Variants in KCNIP4 observed in about 807,000 individuals in gnomAD.
KCNIP4 encodes potassium voltage-gated channel interacting protein 4.
In KCNIP4, 12 loss-of-function variants were observed where a neutral mutation model predicts 34.0. The observed-to-expected ratio is 0.35, with a 90% confidence interval of 0.23 to 0.57. The LOEUF (loss-of-function observed/expected upper bound fraction) is 0.57, where lower values mean the gene tolerates loss of function less well. KCNIP4 is among the 20% of genes least tolerant of loss of function. KCNIP4 has a pLI of 0.83. For synonymous variants in KCNIP4, 124 were observed against 102.2 expected (o/e 1.21, Z -1.29); for missense variants, 238 against 311.7 (o/e 0.76, Z 1.78).
rs1292348885 is a variant in KCNIP4 at position 21,337,938 on chromosome 4, A to G, written c.62-455229T>C. 2.6e-5 allele frequency among the ~76,000 whole-genome samples: 4 copies of G among 152,110 alleles called. No individual in the cohort carries two copies. The East Asian group carries it at 7.7e-4, about 29-fold the overall frequency. ...CGTGTAAGTGTCTTGTTTTTCTTATATCATAGGAAGTCAGAGGCGGGCTGC... is the reference window on the plus strand; with the variant it reads ...CGTGTAAGTGTCTTGTTTTTCTTATGTCATAGGAAGTCAGAGGCGGGCTGC... On this transcript the variant is annotated intron_variant, in intron 1 of 8. Transcript: ENST00000382152.
chr4:21,657,439 T>A (rs143258911), intron 1 of KCNIP4, among the ~76,000 whole-genome samples: 296 of 152,248 alleles, frequency 1.9e-3, no homozygotes, highest in African/African-American at 6.4e-3. Context: ...CATTTCCTCA[T>A]CTCCAATCAG....
intron 1 of KCNIP4, among the ~76,000 whole-genome samples, chr4:21,576,187 A>AT (rs1476240280): frequency 6.6e-6 from 1 of 152,142 alleles, no homozygotes; most frequent in Non-Finnish European, 1.5e-5. Flanking sequence ...AGAAGCCTAA[A>AT]TTTTTTAGTG....
chr4:20,857,834 T>C (rs1422241820), intron 2 of KCNIP4, among the ~76,000 whole-genome samples: 3 of 152,144 alleles, frequency 2.0e-5, no homozygotes, highest in African/African-American at 4.8e-5. Flanking sequence ...TCTGGTCCTA[T>C]GGTGGACTGA....
intron 1 of KCNIP4, among the ~76,000 whole-genome samples, chr4:20,931,861 C>A (rs1197945980): frequency 2.0e-5 from 3 of 151,234 alleles, no homozygotes; most frequent in African/African-American, 4.9e-5. Context: ...GTCTAATGTA[C>A]AACAGAAGAT....
chr4:21,655,114 T>G (rs1747818514), intron 1 of KCNIP4, among the ~76,000 whole-genome samples: 1 of 152,128 alleles, frequency 6.6e-6, no homozygotes, highest in Admixed American at 6.6e-5. Flanking sequence ...TAATGTACTA[T>G]TCCATCCAGA....
At chr4:21,846,350 G>A (rs1454019562) in intron 1 of KCNIP4, 1 of 152,016 alleles carries the variant, frequency 6.6e-6, no homozygotes, top group Non-Finnish European at 1.5e-5. Context: ...TATGGCAAGG[G>A]GATATACACA....
chr4:21,425,989 G>C (rs1425259971), intron 1 of KCNIP4, among the ~76,000 whole-genome samples: 1 of 152,094 alleles, frequency 6.6e-6, no homozygotes, highest in African/African-American at 2.4e-5. Context: ...GGGAGGGAGA[G>C]GTTGCAGTGA....
intron 1 of KCNIP4, among the ~76,000 whole-genome samples, chr4:21,343,757 T>C (rs547639910): frequency 1.3e-5 from 2 of 152,232 alleles, no homozygotes; most frequent in East Asian, 3.9e-4. Context: ...CCCCTGTAGA[T>C]TCCGACGCAG....
chr4:20,739,681 C>G (rs567435060), intron 5 of KCNIP4, among the ~76,000 whole-genome samples: 25 of 152,130 alleles, frequency 1.6e-4, no homozygotes, highest in Middle Eastern at 3.2e-3. Context: ...ATCAGAGAAC[C>G]TCTTCTCCAA....
At chr4:21,099,615 A>G (rs1168665141) in intron 1 of KCNIP4, among the ~76,000 whole-genome samples, 1 of 152,176 alleles carries the variant, frequency 6.6e-6, no homozygotes, top group Non-Finnish European at 1.5e-5. Flanking sequence ...ATGGAACTTA[A>G]AAAAGTTGAG....
At chr4:21,833,812 C>T (rs1723149478) in intron 1 of KCNIP4, among the ~76,000 whole-genome samples, 1 of 152,172 alleles carries the variant, frequency 6.6e-6, no homozygotes, top group African/African-American at 2.4e-5. Flanking sequence ...CTACATATGG[C>T]TAGCCAGTTT....
chr4:21,235,249 A>C (rs1195877214), intron 1 of KCNIP4, among the ~76,000 whole-genome samples: 1 of 152,150 alleles, frequency 6.6e-6, no homozygotes, highest in African/African-American at 2.4e-5. Flanking sequence ...TGCTCTTTGC[A>C]CTTAGGTTTA....
At chr4:21,628,080 A>G (rs955955344) in intron 1 of KCNIP4, among the ~76,000 whole-genome samples, 1 of 152,174 alleles carries the variant, frequency 6.6e-6, no homozygotes, top group East Asian at 1.9e-4. Flanking sequence ...TATAAGTTAC[A>G]TGAGCCTGGA....
chr4:21,793,984 G>C (rs1407789430), intron 1 of KCNIP4, among the ~76,000 whole-genome samples: 6 of 152,156 alleles, frequency 3.9e-5, no homozygotes. Context: ...GTCCTTTGTA[G>C]GGACATGGAT....
chr4:21,389,571 G>A (rs145489027), intron 1 of KCNIP4, among the ~76,000 whole-genome samples: 41,368 of 150,116 alleles, frequency 0.28, 6,548 homozygotes, highest in East Asian at 0.41. Flanking sequence ...TTGTCCTGGC[G>A]ATAGTTTGCT....
At chr4:21,180,443 C>T (rs1488908811) in intron 1 of KCNIP4, among the ~76,000 whole-genome samples, 1 of 151,746 alleles carries the variant, frequency 6.6e-6, no homozygotes, top group African/African-American at 2.4e-5. Flanking sequence ...GGTGAGAAAC[C>T]AATATACATT....
At chr4:20,944,378 C>G (rs1490927643) in intron 1 of KCNIP4, among the ~76,000 whole-genome samples, 1 of 152,174 alleles carries the variant, frequency 6.6e-6, no homozygotes, top group African/African-American at 2.4e-5. Flanking sequence ...GACTAATGAG[C>G]CACTATCCCT....
At chr4:21,541,180 CAAAA>C (rs60459395) in intron 1 of KCNIP4, among the ~76,000 whole-genome samples, 4 of 107,498 alleles carry the variant, frequency 3.7e-5, no homozygotes, top group Admixed American at 1.1e-4. Flanking sequence ...CAAAAGAAAA[CAAAA>C]AAAAAAAAAA....
At chr4:21,711,105 A>G (rs1019437805) in intron 1 of KCNIP4, among the ~76,000 whole-genome samples, 1 of 152,200 alleles carries the variant, frequency 6.6e-6, no homozygotes, top group African/African-American at 2.4e-5. Context: ...ATAAAGCTAC[A>G]TTCTCTATGG....
Sources: allele counts gnomAD v4.1 joint callset (sites outside exome capture counted in the v4.1 genomes callset), GRCh38; gene constraint gnomAD v4.1.1; transcripts MANE v1.5; gene names NCBI Gene and HGNC (gene_info 2026-07-23, HGNC 2026-07-21).